ATP6V1C2: variants seen among roughly 807,000 people sequenced by gnomAD.
The protein encoded by ATP6V1C2 is ATPase H+ transporting V1 subunit C2.
A neutral mutation model predicts 56.8 loss-of-function variants in ATP6V1C2; 45 were observed. The ratio of observed to expected loss-of-function variants is 0.79; its 90% CI spans 0.62 to 1.02. The LOEUF is 1.02. Among genes scored for constraint, ATP6V1C2 ranks in the 50% least tolerant of loss-of-function variants. The pLI, the probability that ATP6V1C2 is intolerant of heterozygous loss-of-function variation, is 0.00. For missense variants in ATP6V1C2, 463 were observed against 519.7 expected (o/e 0.89, Z 1.06); for synonymous variants, 220 against 201.3 (o/e 1.09, Z -0.79).
intron 4 of ATP6V1C2, among the ~76,000 whole-genome samples, chr2:10,760,043 T>TG (rs1663815664): frequency 6.6e-6 from 1 of 150,770 alleles, no homozygotes; most frequent in African/African-American, 2.4e-5. Flanking sequence ...TTTTTTTTTT[T>TG]TGCTTTTTGA....
chr2:10,779,957 C>T (rs1024508464), intron 12 of ATP6V1C2, among the ~76,000 whole-genome samples: 12 of 152,128 alleles, frequency 7.9e-5, no homozygotes, highest in African/African-American at 2.4e-4. Context: ...CGGAGCACTG[C>T]GCACCGCCTG....
chr2:10,782,829 C>CAAAAAAAAAAAAAAAAAA (rs60533807), intron 13 of ATP6V1C2, among the ~76,000 whole-genome samples: 1 of 52,202 alleles, frequency 1.9e-5, no homozygotes, highest in Non-Finnish European at 3.6e-5. Flanking sequence ...GACTCTGTCT[C>CAAAAAAAAAAAAAAAAAA]AAAAAAAAAA....
intron 4 of ATP6V1C2, among the ~76,000 whole-genome samples, chr2:10,759,024 T>C (rs1663729549): frequency 1.3e-5 from 2 of 152,192 alleles, no homozygotes; most frequent in Non-Finnish European, 2.9e-5. Flanking sequence ...AATGAGGAAA[T>C]CTTTCTCTTC....
At chr2:10,761,461 T>A (rs1028440038) in intron 4 of ATP6V1C2, among the ~76,000 whole-genome samples, 1 of 152,074 alleles carries the variant, frequency 6.6e-6, no homozygotes, top group Non-Finnish European at 1.5e-5. Flanking sequence ...TGCTCTTACT[T>A]CCACCCCGGG....
At chr2:10,775,186 C>G in intron 10 of ATP6V1C2, 115 bp downstream of exon 10, 1 of 807,746 alleles carries the variant, frequency 1.2e-6, no homozygotes, top group Non-Finnish European at 2.1e-6. Flanking sequence ...GGCTCCTGGG[C>G]TCACACCATG....
intron 3 of ATP6V1C2, among the ~76,000 whole-genome samples, chr2:10,731,888 G>A (rs1180320589): frequency 6.6e-6 from 1 of 152,032 alleles, no homozygotes; most frequent in Non-Finnish European, 1.5e-5. Context: ...AGGGAGAATT[G>A]CTTGAGCCCA....
In ATP6V1C2 at chr2:10,765,563, C is replaced by A. The variant is rs531830421; in HGVS notation, c.378+1138C>A. On this transcript the variant is annotated intron_variant, in intron 5 of 13. Transcript: ENST00000272238. ...AGGTCTCCTGGAAAGTAGGGTGGGG[C>A]CAGAAAGCTCGGGAATCTGGGTGGG... 6.6e-5 allele frequency among the ~76,000 whole-genome samples: 10 copies of A among 152,324 alleles called. No individual in the cohort carries two copies. In the East Asian group the frequency reaches 1.9e-3, roughly 29 times the overall value.
At chr2:10,781,420 G>A (rs1326189527) in intron 12 of ATP6V1C2, among the ~76,000 whole-genome samples, 2 of 152,074 alleles carry the variant, frequency 1.3e-5, no homozygotes, top group African/African-American at 4.8e-5. Context: ...GGAGGCTGCA[G>A]TGAGCCGAGA....
chr2:10,739,865 CGAGGCGGGCGGATCACTT>C (rs967043104), intron 3 of ATP6V1C2, among the ~76,000 whole-genome samples: 2 of 151,902 alleles, frequency 1.3e-5, no homozygotes, highest in African/African-American at 4.8e-5. Flanking sequence ...TTTAGGAGGC[CGAGGCGGGCGGATCACTT>C]GAGGTTAGGA....
intron 3 of ATP6V1C2, among the ~76,000 whole-genome samples, chr2:10,749,975 G>A (rs937686581): frequency 2.6e-5 from 4 of 151,876 alleles, no homozygotes; most frequent in Non-Finnish European, 4.4e-5. Flanking sequence ...ACAACAAACT[G>A]TGGAGTGAAA....
In ATP6V1C2 at chr2:10,771,827, C is replaced by T. The variant is rs1360251748; in HGVS notation, c.471-12C>T. The T allele has an allele frequency of 1.1e-5, 18 of 1,609,160 alleles. No homozygotes were observed. The highest frequency in any genetic ancestry group is 1.4e-5 in the Non-Finnish European group (16 of 1,175,602). The stretch of plus-strand genomic sequence containing the variant: ...CACATCTTTCACACCCTTTGTTCCA[C>T]CTGCCTTTTAGGGGGAACCTCTTCA... On this transcript the variant is annotated splice_polypyrimidine_tract_variant and intron_variant, in intron 6 of 13. Coordinates refer to ENST00000272238, the MANE Select transcript of ATP6V1C2 (RefSeq NM_001039362.2).
intron 10 of ATP6V1C2, among the ~76,000 whole-genome samples, chr2:10,776,567 C>T (rs1734440): frequency 0.32 from 47,952 of 152,154 alleles, 7,817 homozygotes; most frequent in Middle Eastern, 0.45. Flanking sequence ...GAAACCCTCG[C>T]TACCTGGGCA....
chr2:10,778,631 C>CT lies in ATP6V1C2; in HGVS notation c.1023_1024insT (p.Ile342TyrfsTer29), dbSNP rs1403400977. The CT allele has an allele frequency of 6.2e-7, 1 of 1,614,118 alleles. No homozygotes were observed. The highest frequency in any genetic ancestry group is 1.3e-5 in the African/African-American group (1 of 74,954). On this transcript the variant is annotated frameshift_variant, in exon 12 of 14. Transcript: ENST00000272238. LOFTEE classifies it high-confidence loss of function. ...GTGAAGCCTTCATTGCCTGGATCCA[C>CT]ATCAAGGCCCTGAGAGTGTTTGTGG...
intron 3 of ATP6V1C2, among the ~76,000 whole-genome samples, chr2:10,737,274 A>C (rs1191085966): frequency 2.6e-4 from 39 of 151,436 alleles, no homozygotes; most frequent in East Asian, 9.8e-4. Flanking sequence ...AAAAAAAAAA[A>C]AAAAGATTAA....
intron 4 of ATP6V1C2, among the ~76,000 whole-genome samples, chr2:10,757,823 A>G (rs1438992730): frequency 6.6e-6 from 1 of 152,192 alleles, no homozygotes; most frequent in African/African-American, 2.4e-5. Context: ...TTTTATGGAC[A>G]CTGGAACCTT....
In ATP6V1C2 at chr2:10,783,584, TG is replaced by T; in HGVS notation, c.*322del. On this transcript the variant is annotated 3_prime_UTR_variant, in exon 14 of 14. Coordinates refer to ENST00000272238, the MANE Select transcript of ATP6V1C2 (RefSeq NM_001039362.2). ...GGTTCATTAACAACATAGAAAGCCT[TG>T]AACTGTATAACCAGCTAGATTCCTT... 3.9e-6 allele frequency: 1 copy of T among 259,702 alleles called. No homozygotes were observed. The highest frequency in any genetic ancestry group is 1.1e-4 in the East Asian group (1 of 9,034). 16.1% of individuals were successfully genotyped at this position (259,702 alleles called of 1,614,324 possible). A position where few individuals can be genotyped will look rare whatever the true frequency, so the allele number is the denominator to read the frequency against.
intron 3 of ATP6V1C2, among the ~76,000 whole-genome samples, chr2:10,753,150 A>C (rs1030597671): frequency 6.6e-6 from 1 of 152,230 alleles, no homozygotes; most frequent in Non-Finnish European, 1.5e-5. Flanking sequence ...TTAATGTTCT[A>C]ATTGTAAAAG....
chr2:10,772,550 A>G lies in ATP6V1C2; in HGVS notation c.578A>G (p.Tyr193Cys). Residue 193 changes from tyrosine (Y) to cysteine (C), a missense_variant, in exon 8 of 14, where the codon TAC becomes TGC. Tyr to Cys is a radical substitution (Grantham distance 194). Coordinates refer to ENST00000272238, the MANE Select transcript of ATP6V1C2 (RefSeq NM_001039362.2). ...TLLVIVPKPN[Y>C]SQWQKTYESL... Reference sequence around the variant, plus strand: ...ATTCTATGTTCTTGCAGACCAAACTACTCACAATGGCAAAAAACCTACGAA... The same window carrying G: ...ATTCTATGTTCTTGCAGACCAAACTGCTCACAATGGCAAAAAACCTACGAA... The G allele has an allele frequency of 6.2e-7, 1 of 1,613,718 alleles. No individual in the cohort carries two copies. The highest frequency in any genetic ancestry group is 8.5e-7 in the Non-Finnish European group (1 of 1,179,728).
chr2:10,747,541 T>A (rs28623106), intron 3 of ATP6V1C2, among the ~76,000 whole-genome samples: 1 of 151,986 alleles, frequency 6.6e-6, no homozygotes, highest in African/African-American at 2.4e-5. Context: ...CAGATTTCAC[T>A]TGGATATCAC....
Sources: gnomAD v4.1 joint callset for allele counts (sites outside exome capture counted in the v4.1 genomes callset) on GRCh38, gnomAD v4.1.1 for gene constraint, MANE v1.5 for transcripts, NCBI Gene and HGNC (gene_info 2026-07-23, HGNC 2026-07-21) for gene names.